Variants in PRDM16 observed in about 807,000 individuals in gnomAD.
The protein encoded by PRDM16 is histone-lysine N-methyltransferase PRDM16.
Under a neutral mutation model 110.6 loss-of-function variants are expected in PRDM16, and 23 were observed. That is an observed-to-expected ratio of 0.21 (90% CI 0.15 to 0.29). PRDM16 has a LOEUF of 0.29. Among genes scored for constraint, PRDM16 ranks in the 10% least tolerant of loss-of-function variants. The probability of loss-of-function intolerance (pLI) is 1.00; values close to 1 mark genes in which losing one functional copy is unlikely to be tolerated. For synonymous variants in PRDM16, 799 were observed against 781.8 expected, an observed-to-expected ratio of 1.02 and a Z score of -0.37; for missense variants, 1,615 against 1,794.3, an observed-to-expected ratio of 0.90 and a Z score of 1.81.
At chr1:3,270,678 A>AGGAGGACAGTCGGGGAGGACAGTCCCG (rs1640426807) in intron 3 of PRDM16, among the ~76,000 whole-genome samples, 10 of 116,316 alleles carry the variant, frequency 8.6e-5, no homozygotes, top group Admixed American at 2.6e-4. Flanking sequence ...GGACAGTCCC[A>AGGAGGACAGTCGGGGAGGACAGTCCCG]GAGGAGGACA....
At chr1:3,273,466 G>T (rs551037286) in intron 3 of PRDM16, among the ~76,000 whole-genome samples, 8 of 152,100 alleles carry the variant, frequency 5.3e-5, no homozygotes, top group Admixed American at 5.2e-4. Flanking sequence ...GTGGGTGTGA[G>T]TGAATGTGTG....
At chr1:3,225,115 T>C (rs1028037431) in intron 2 of PRDM16, among the ~76,000 whole-genome samples, 1 of 152,022 alleles carries the variant, frequency 6.6e-6, no homozygotes, top group African/African-American at 2.4e-5. Context: ...TGTTAGAGTT[T>C]AAGGTCATAT....
At chr1:3,371,528 TATCC>T (rs1476025440) in intron 3 of PRDM16, among the ~76,000 whole-genome samples, 1 of 131,104 alleles carries the variant, frequency 7.6e-6, no homozygotes, top group Admixed American at 7.4e-5. Context: ...ATCCACCATC[TATCC>T]ATCCATCCAC....
intron 3 of PRDM16, among the ~76,000 whole-genome samples, chr1:3,373,718 C>A (rs1028477011): frequency 2.6e-5 from 4 of 152,168 alleles, no homozygotes; most frequent in African/African-American, 9.7e-5. Flanking sequence ...GCAGCCTGGC[C>A]CCGTGTGGCA....
At chr1:3,352,689 G>A (rs986100114) in intron 3 of PRDM16, among the ~76,000 whole-genome samples, 6 of 152,232 alleles carry the variant, frequency 3.9e-5, no homozygotes, top group Non-Finnish European at 7.3e-5. Flanking sequence ...CTGTCAGGCC[G>A]TTCAGGCCCT....
intron 1 of PRDM16, among the ~76,000 whole-genome samples, chr1:3,183,397 CCG>C (rs771760200): frequency 6.6e-6 from 1 of 152,208 alleles, no homozygotes; most frequent in Non-Finnish European, 1.5e-5. Flanking sequence ...TGCAGGCTTC[CCG>C]CTTTCTCCGG....
chr1:3,406,923 C>T lies in PRDM16; in HGVS notation c.1186+1275C>T, dbSNP rs529779667. Among the ~76,000 whole-genome samples the T allele has an allele frequency of 5.3e-5, 8 of 152,288 alleles. No individual in the cohort carries two copies. In the East Asian group the frequency reaches 5.8e-4, roughly 11 times the overall value. On this transcript the variant is annotated intron_variant, in intron 8 of 16. Coordinates refer to ENST00000270722, the MANE Select transcript of PRDM16 (RefSeq NM_022114.4). ...CAAGCATTCTTACACAGCATCCTTA[C>T]GAAAGCCTGAGAGTGGGGCCCTTCT... is the stretch of plus-strand genomic sequence containing the variant.
At chr1:3,378,544 A>G (rs1481140188) in intron 3 of PRDM16, among the ~76,000 whole-genome samples, 1 of 152,098 alleles carries the variant, frequency 6.6e-6, no homozygotes, top group East Asian at 1.9e-4. Flanking sequence ...CCCTGTCTCC[A>G]GGGGCCTCCA....
intron 3 of PRDM16, among the ~76,000 whole-genome samples, chr1:3,300,440 A>G (rs1328168608): frequency 2.0e-5 from 3 of 149,050 alleles, no homozygotes; most frequent in Admixed American, 2.0e-4. Context: ...GCCCTTGTTG[A>G]AGATGCTATG....
intron 3 of PRDM16, among the ~76,000 whole-genome samples, chr1:3,328,264 C>T (rs1240962944): frequency 1.3e-5 from 2 of 152,252 alleles, no homozygotes; most frequent in East Asian, 3.8e-4. Flanking sequence ...CTTGAAACTG[C>T]TGACATTTGT....
At chr1:3,128,787 T>C (rs555183522) in intron 1 of PRDM16, among the ~76,000 whole-genome samples, 1 of 152,356 alleles carries the variant, frequency 6.6e-6, no homozygotes, top group East Asian at 1.9e-4. Flanking sequence ...ACTGGAATCC[T>C]TGGGCGTAGC....
intron 2 of PRDM16, among the ~76,000 whole-genome samples, chr1:3,222,324 T>C (rs1382246954): frequency 6.6e-6 from 1 of 152,092 alleles, no homozygotes; most frequent in East Asian, 1.9e-4. Context: ...AGATGTATTT[T>C]CCAGCGTTCT....
Position 3,385,035 on chromosome 1 carries a change from C to T in PRDM16, c.439-117C>T, listed in dbSNP as rs190562949. On this transcript the variant is annotated intron_variant, in intron 3 of 16. Transcript: ENST00000270722. ...CCCGGAGGGTGGGCTGAGGTCTGGA[C>T]GCCGACTTGCCTTCCTACTTGAGCC... 1,022 of 1,307,976 alleles carry T rather than the reference C, an allele frequency of 7.8e-4. 3 individuals carry two copies. Among genetic ancestry groups the T allele is most frequent in the Middle Eastern group, 3.7e-3 (14 of 3,756 alleles). 81.0% of individuals were successfully genotyped at this position (1,307,976 alleles called of 1,614,324 possible).
chr1:3,426,362 AGAGGGT>A (rs1478563261), intron 14 of PRDM16, 137 bp downstream of exon 14: 1 of 633,396 alleles, frequency 1.6e-6, no homozygotes, highest in African/African-American at 1.8e-5. Flanking sequence ...GCCTCACCAC[AGAGGGT>A]GAGGCCCCTG....
chr1:3,152,303 T>G (rs949321330), intron 1 of PRDM16, among the ~76,000 whole-genome samples: 2 of 151,836 alleles, frequency 1.3e-5, no homozygotes, highest in African/African-American at 4.8e-5. Flanking sequence ...TATCCCTCCT[T>G]TCATCCATCC....
At chr1:3,387,098 T>G (rs1209699768) in intron 4 of PRDM16, among the ~76,000 whole-genome samples, 1 of 152,190 alleles carries the variant, frequency 6.6e-6, no homozygotes, top group East Asian at 1.9e-4. Flanking sequence ...CAACTGTGTT[T>G]CCATGGTCAG....
intron 3 of PRDM16, among the ~76,000 whole-genome samples, chr1:3,247,146 C>T (rs1279754902): frequency 6.6e-6 from 1 of 152,130 alleles, no homozygotes; most frequent in Non-Finnish European, 1.5e-5. Flanking sequence ...GGGAACATGA[C>T]GGGGGTGGCT....
intron 4 of PRDM16, among the ~76,000 whole-genome samples, chr1:3,385,563 G>A (rs1252787770): frequency 6.6e-6 from 1 of 152,192 alleles, no homozygotes; most frequent in African/African-American, 2.4e-5. Context: ...AGGTGGAAAA[G>A]AGCAATGAAG....
chr1:3,110,750 C>G (rs560631794), intron 1 of PRDM16, among the ~76,000 whole-genome samples: 1 of 152,330 alleles, frequency 6.6e-6, no homozygotes, highest in South Asian at 2.1e-4. Context: ...GAGTTGTGGG[C>G]TTCCTGTGGT....
Sources: allele counts gnomAD v4.1 joint callset (sites outside exome capture counted in the v4.1 genomes callset), GRCh38; gene constraint gnomAD v4.1.1; transcripts MANE v1.5; gene names NCBI Gene and HGNC (gene_info 2026-07-23, HGNC 2026-07-21).